The following SLC3A2 variants were observed in gnomAD, a reference collection of about 807,000 sequenced individuals.
The protein encoded by SLC3A2 is amino acid transporter heavy chain SLC3A2.
A neutral mutation model predicts 48.5 loss-of-function variants in SLC3A2; 32 were observed. The observed-to-expected ratio is 0.66, with a 90% CI of 0.50 to 0.89. The LOEUF is 0.89. Among genes scored for constraint, SLC3A2 ranks in the 40% least tolerant of loss-of-function variants. The pLI is 0.00. For synonymous variants in SLC3A2, 277 were observed against 288.8 expected, an observed-to-expected ratio of 0.96 and a Z score of 0.41; for missense variants, 587 against 680.7, an observed-to-expected ratio of 0.86 and a Z score of 1.53.
intron 8 of SLC3A2, 29 bp from the exon 9 acceptor site, chr11:62,888,302 C>T (rs762822762): frequency 1.7e-5 from 27 of 1,609,826 alleles, no homozygotes; most frequent in East Asian, 2.2e-5. Context: ...GCCCCTCACA[C>T]GCTTCTGCTA....
intron 2 of SLC3A2, 105 bp downstream of exon 2, chr11:62,882,171 C>T: frequency 7.4e-7 from 1 of 1,355,446 alleles, no homozygotes; most frequent in South Asian, 1.3e-5. Context: ...TCTGAGTTTT[C>T]CTAGGGCAGG....
intron 1 of SLC3A2, among the ~76,000 whole-genome samples, chr11:62,872,988 A>G (rs1193735228): frequency 1.3e-5 from 2 of 152,152 alleles, no homozygotes; most frequent in Admixed American, 6.6e-5. Context: ...CTACTTCTCA[A>G]TATTTTATAT....
At chr11:62,866,661 G>A (rs970249583) in intron 1 of SLC3A2, among the ~76,000 whole-genome samples, 14 of 152,266 alleles carry the variant, frequency 9.2e-5, no homozygotes, top group Admixed American at 6.5e-4. Flanking sequence ...CTCCCAAAGT[G>A]CTGAGATTAC....
chr11:62,856,856 G>T (rs1425948562), intron 1 of SLC3A2, among the ~76,000 whole-genome samples: 18 of 144,968 alleles, frequency 1.2e-4, no homozygotes, highest in Admixed American at 1.4e-4. Flanking sequence ...ACGGAGTTTC[G>T]CTCTTGTTGC....
intron 1 of SLC3A2, among the ~76,000 whole-genome samples, chr11:62,862,361 C>G (rs1322265800): frequency 2.1e-5 from 3 of 143,614 alleles, no homozygotes; most frequent in Non-Finnish European, 4.5e-5. Flanking sequence ...AAAAAAAGCC[C>G]TGCTTCTAAC....
intron 1 of SLC3A2, among the ~76,000 whole-genome samples, chr11:62,868,274 C>T (rs1394088641): frequency 1.3e-5 from 2 of 150,046 alleles, no homozygotes; most frequent in African/African-American, 4.9e-5. Flanking sequence ...GCAGTGAAAT[C>T]TTTTATATAT....
At chr11:62,883,309 T>G (rs550864742) in intron 3 of SLC3A2, 1 of 342,080 alleles carries the variant, frequency 2.9e-6, no homozygotes, top group Non-Finnish European at 5.6e-6. Flanking sequence ...GCCCTTTCTC[T>G]GTGAGAATCC....
At chr11:62,864,868 A>C (rs1316156294) in intron 1 of SLC3A2, among the ~76,000 whole-genome samples, 1 of 151,850 alleles carries the variant, frequency 6.6e-6, no homozygotes, top group Non-Finnish European at 1.5e-5. Context: ...TCCTGGGTTC[A>C]AGCAATTCTC....
At position 62,866,413 on chromosome 11, in the gene SLC3A2, G is replaced by C. The variant is rs561568319; in HGVS notation, c.112+10032G>C. 2.0e-5 allele frequency among the ~76,000 whole-genome samples: 3 copies of C among 146,952 alleles called. No homozygotes were observed. In the South Asian group the frequency reaches 6.6e-4, roughly 32 times the overall value. ...GTTTCTTTGCTTTTTTTTGGCAGGT[G>C]GGGGGGTGGTCTCACTCTATTGCCC... On this transcript the variant is annotated intron_variant, in intron 1 of 9. Transcript: ENST00000377889.
At chr11:62,869,807 G>C (rs1266683788) in intron 1 of SLC3A2, among the ~76,000 whole-genome samples, 1 of 148,984 alleles carries the variant, frequency 6.7e-6, no homozygotes, top group Non-Finnish European at 1.5e-5. Context: ...TTTTGAGTTG[G>C]AGTCTTGCTC....
intron 1 of SLC3A2, among the ~76,000 whole-genome samples, chr11:62,865,542 C>A (rs1188342813): frequency 8.4e-6 from 1 of 119,422 alleles, no homozygotes; most frequent in Admixed American, 1.1e-4. Flanking sequence ...GGCAACAGAG[C>A]AAGACTCTGT....
chr11:62,884,997 A>G (rs1466444677), intron 5 of SLC3A2, among the ~76,000 whole-genome samples, 180 bp from the exon 6 acceptor site: 1 of 151,364 alleles, frequency 6.6e-6, no homozygotes, highest in Non-Finnish European at 1.5e-5. Context: ...ACACCTGGCT[A>G]ATTTTGTATT....
chr11:62,881,294 G>T lies in SLC3A2; in HGVS notation c.271G>T (p.Gly91Cys). Residue 91 changes from glycine to cysteine, a missense_variant, in exon 1 of 9, where the codon GGC becomes TGC. By Grantham distance (159) the Gly-to-Cys change is radical. This residue lies in a region of SLC3A2 where 409 missense variants were observed against 446.7 expected (regional missense o/e 0.92). Transcript: ENST00000338663. This position sits in a 1 kb window ranked among gnomAD's most constrained non-coding sequence, Gnocchi z 4.0. ...GGCACTGCTGCTGCTCTTCTGGCTC[G>T]GCTGGCTCGGCATGCTTGCTGGTGC... The part of the protein sequence containing the change: ...RWALLLLFWL[G>C]WLGMLAGAVV... 1 of 1,578,890 alleles carries T rather than the reference G, an allele frequency of 6.3e-7. No individual in the cohort carries two copies. The highest frequency in any genetic ancestry group is 8.6e-7 in the Non-Finnish European group (1 of 1,165,678).
At chr11:62,885,999 C>T (rs1284948008) in intron 7 of SLC3A2, among the ~76,000 whole-genome samples, 1 of 152,148 alleles carries the variant, frequency 6.6e-6, no homozygotes, top group Admixed American at 6.5e-5. Flanking sequence ...TGGAGAAGTA[C>T]ATGGCAGTGG....
intron 7 of SLC3A2, among the ~76,000 whole-genome samples, chr11:62,885,975 G>A (rs2085708625): frequency 6.6e-6 from 1 of 152,164 alleles, no homozygotes; most frequent in South Asian, 2.1e-4. Context: ...TAGTGAGGGA[G>A]CCAGATAAAT....
chr11:62,876,992 C>T, upstream of SLC3A2: 1 of 977,886 alleles, frequency 1.0e-6, no homozygotes, highest in African/African-American at 1.8e-5. Flanking sequence ...TATTTAAATT[C>T]CTTTTCATTT....
chr11:62,871,716 T>C (rs905561448), intron 1 of SLC3A2: 4 of 546,038 alleles, frequency 7.3e-6, no homozygotes, highest in Non-Finnish European at 1.3e-5. Flanking sequence ...TGGTAGAATT[T>C]GTCTTTAAAA....
intron 7 of SLC3A2, among the ~76,000 whole-genome samples, chr11:62,887,106 G>A (rs189379143): frequency 4.5e-4 from 68 of 152,234 alleles, no homozygotes; most frequent in African/African-American, 1.6e-3. Context: ...ATTTCTGTCT[G>A]TTACACTGAG....
chr11:62,881,075 G>C lies in SLC3A2; in HGVS notation c.52G>C (p.Glu18Gln). The change falls in exon 1 of 9, where the codon GAG (glutamate) becomes CAG (glutamine). Residue 18 changes from glutamate (E) to glutamine (Q), a missense_variant. Physicochemically the swap from Glu to Gln is conservative, Grantham distance 29. This residue lies in a region of SLC3A2 where 409 missense variants were observed against 446.7 expected (regional missense o/e 0.92). Transcript: ENST00000338663. This position sits in a 1 kb window ranked among gnomAD's most constrained non-coding sequence, Gnocchi z 4.0. ...GAAGGAGGTGGAGCTGAATGAGTTAGAGCCCGAGAAGCAGCCGATGAACGC... is the reference window on the plus strand; with the variant it reads ...GAAGGAGGTGGAGCTGAATGAGTTACAGCCCGAGAAGCAGCCGATGAACGC... ...DMKEVELNEL[E>Q]PEKQPMNAAS... 1.9e-6 allele frequency: 3 copies of C among 1,607,832 alleles called. No individual in the cohort carries two copies. The highest frequency in any genetic ancestry group is 2.5e-6 in the Non-Finnish European group (3 of 1,176,866).
Sources: gnomAD v4.1 joint callset for allele counts (sites outside exome capture counted in the v4.1 genomes callset) on GRCh38, gnomAD v4.1.1 for gene constraint, gnomAD v4.1.1 regional missense constraint, Gnocchi (gnomAD v3.1) non-coding constraint, MANE v1.5 for transcripts, NCBI Gene and HGNC (gene_info 2026-07-23, HGNC 2026-07-21) for gene names.